The following ANKRD44 variants were observed in gnomAD, a reference collection of about 807,000 sequenced individuals.
The protein encoded by ANKRD44 is serine/threonine-protein phosphatase 6 regulatory ankyrin repeat subunit B.
In ANKRD44, 35 loss-of-function variants were observed where a neutral mutation model predicts 116.0. The observed-to-expected ratio is 0.30, with a 90% CI of 0.23 to 0.40. ANKRD44 has a LOEUF of 0.40. Ranked by LOEUF, ANKRD44 falls within the 10% of genes least tolerant of loss-of-function variation. The pLI is 1.00. For missense variants in ANKRD44, 1,014 were observed against 1,242.6 expected, an observed-to-expected ratio of 0.82 and a Z score of 2.77; for synonymous variants, 435 against 461.8, an observed-to-expected ratio of 0.94 and a Z score of 0.74.
intron 1 of ANKRD44, among the ~76,000 whole-genome samples, chr2:197,295,080 T>C (rs1285533544): frequency 6.6e-6 from 1 of 152,196 alleles, no homozygotes; most frequent in Middle Eastern, 3.2e-3. Context: ...TTAAGGAGGA[T>C]TGTTTCTAAT....
At chr2:197,224,437 G>A (rs2081654595) in intron 1 of ANKRD44, among the ~76,000 whole-genome samples, 1 of 152,178 alleles carries the variant, frequency 6.6e-6, no homozygotes, top group Non-Finnish European at 1.5e-5. Context: ...GGGTAAGCCT[G>A]AATAAGGGGT....
At chr2:197,100,163 G>A (rs535665211) in intron 9 of ANKRD44, among the ~76,000 whole-genome samples, 8 of 152,346 alleles carry the variant, frequency 5.3e-5, no homozygotes, top group Middle Eastern at 3.4e-3. Context: ...GAGGCCGGGC[G>A]TGGTGGCTAA....
At chr2:197,241,623 T>A (rs879261502) in intron 1 of ANKRD44, among the ~76,000 whole-genome samples, 52 of 151,912 alleles carry the variant, frequency 3.4e-4, no homozygotes, top group Non-Finnish European at 5.4e-4. Flanking sequence ...ATGTAAAATT[T>A]AAAAAAAACA....
chr2:197,115,762 TTTAA>T (rs1239560443), intron 8 of ANKRD44, among the ~76,000 whole-genome samples: 1 of 152,204 alleles, frequency 6.6e-6, no homozygotes, highest in Non-Finnish European at 1.5e-5. Context: ...AGATAACAAC[TTTAA>T]TTAGACAGCT....
chr2:197,254,751 T>C (rs574142024), intron 1 of ANKRD44, among the ~76,000 whole-genome samples: 12 of 142,476 alleles, frequency 8.4e-5, no homozygotes, highest in African/African-American at 2.1e-4. Flanking sequence ...CACACATACA[T>C]ACACACACAC....
At chr2:197,241,986 T>A (rs1360484214) in intron 1 of ANKRD44, among the ~76,000 whole-genome samples, 1 of 152,200 alleles carries the variant, frequency 6.6e-6, no homozygotes, top group Non-Finnish European at 1.5e-5. Context: ...TTAGGTTTAA[T>A]GTCTTGATTA....
chr2:197,150,874 C>A (rs945398708), intron 2 of ANKRD44, among the ~76,000 whole-genome samples: 2 of 151,952 alleles, frequency 1.3e-5, no homozygotes, highest in Admixed American at 6.6e-5. Context: ...CTTGAAGTGG[C>A]CTTGAAGAAA....
intron 17 of ANKRD44, among the ~76,000 whole-genome samples, chr2:197,022,714 C>T (rs1204383465): frequency 6.6e-6 from 1 of 152,132 alleles, no homozygotes; most frequent in Non-Finnish European, 1.5e-5. Flanking sequence ...AAAATAGCAC[C>T]CTGGCCAGGT....
intron 16 of ANKRD44, chr2:197,078,471 T>C: frequency 2.5e-6 from 3 of 1,197,790 alleles, no homozygotes; most frequent in Non-Finnish European, 3.3e-6. Flanking sequence ...TACCATGCTT[T>C]TGTGCTGTGC....
chr2:197,022,683 A>G (rs78588598), intron 17 of ANKRD44, among the ~76,000 whole-genome samples: 6,430 of 152,260 alleles, frequency 0.042, 308 homozygotes, highest in East Asian at 0.14. Context: ...CTCTGTACAA[A>G]TATGAGATTC....
chr2:197,063,594 A>G (rs1015981441), intron 16 of ANKRD44, among the ~76,000 whole-genome samples: 14 of 152,236 alleles, frequency 9.2e-5, no homozygotes, highest in Non-Finnish European at 1.8e-4. Context: ...AAACCAGTGT[A>G]GAGAAGTCTT....
At chr2:197,271,176 AG>A (rs2082888519) in intron 1 of ANKRD44, among the ~76,000 whole-genome samples, 1 of 152,218 alleles carries the variant, frequency 6.6e-6, no homozygotes, top group Non-Finnish European at 1.5e-5. Context: ...CCTTAACAAA[AG>A]TTTCATGAAA....
chr2:197,052,193 G>T lies in ANKRD44; in HGVS notation c.1650+26510C>A, dbSNP rs1056913654. 2.0e-5 allele frequency among the ~76,000 whole-genome samples: 3 copies of T among 152,216 alleles called. No individual in the cohort carries two copies. The South Asian group carries it at 6.2e-4, about 32-fold the overall frequency. Reference sequence around the variant, plus strand: ...ATCAACTTGATAGTGTTCATAGCTAGTGAGAAACCCATCCTTCACGTTTAA... The same window carrying T: ...ATCAACTTGATAGTGTTCATAGCTATTGAGAAACCCATCCTTCACGTTTAA... On this transcript the variant is annotated intron_variant, in intron 16 of 27. Coordinates refer to ENST00000282272, the MANE Select transcript of ANKRD44 (RefSeq NM_001195144.2).
chr2:196,999,754 C>T (rs1045708197), intron 23 of ANKRD44, among the ~76,000 whole-genome samples: 2 of 151,854 alleles, frequency 1.3e-5, no homozygotes, highest in Admixed American at 6.6e-5. Flanking sequence ...CCACCACACC[C>T]GGCTAATTTT....
intron 1 of ANKRD44, among the ~76,000 whole-genome samples, chr2:197,282,559 G>T (rs2105835818): frequency 6.6e-6 from 1 of 152,280 alleles, no homozygotes; most frequent in African/African-American, 2.4e-5. Flanking sequence ...GGGCCACCCT[G>T]GGATGTTGAG....
chr2:197,106,684 G>C (rs1272644091), intron 9 of ANKRD44, among the ~76,000 whole-genome samples: 2 of 149,382 alleles, frequency 1.3e-5, no homozygotes, highest in East Asian at 4.0e-4. Flanking sequence ...CAGCTACTCG[G>C]GAGGCTGAGG....
Position 197,287,456 on chromosome 2 carries a change from T to C in ANKRD44, c.27+23122A>G, listed in dbSNP as rs1207678439. Among the ~76,000 whole-genome samples, 4 of 152,182 alleles carry C rather than the reference T, an allele frequency of 2.6e-5. No individual in the cohort carries two copies. The East Asian group carries it at 7.7e-4, about 29-fold the overall frequency. On this transcript the variant is annotated intron_variant, in intron 1 of 27. Transcript: ENST00000282272. Reference sequence around the variant, plus strand: ...GAATACTTGGCAGAGAGGACGTGTGTTTCTGTTTGTTCTAGAGATGAGCAA... The same window carrying C: ...GAATACTTGGCAGAGAGGACGTGTGCTTCTGTTTGTTCTAGAGATGAGCAA...
At chr2:197,163,359 C>T (rs965282618) in intron 2 of ANKRD44, among the ~76,000 whole-genome samples, 2 of 152,200 alleles carry the variant, frequency 1.3e-5, no homozygotes, top group Admixed American at 6.5e-5. Context: ...TGCAATAATC[C>T]TTAGAGAGTG....
chr2:197,047,091 T>A (rs2077016201), intron 16 of ANKRD44, among the ~76,000 whole-genome samples: 1 of 152,036 alleles, frequency 6.6e-6, no homozygotes, highest in African/African-American at 2.4e-5. Context: ...CAATCTCGGC[T>A]CACTACAAGC....
Sources: allele counts gnomAD v4.1 joint callset (sites outside exome capture counted in the v4.1 genomes callset), GRCh38; gene constraint gnomAD v4.1.1; transcripts MANE v1.5; gene names NCBI Gene and HGNC (gene_info 2026-07-23, HGNC 2026-07-21).